The following SMAD1 variants were observed in gnomAD, a reference collection of about 807,000 sequenced individuals.
SMAD1 encodes MAD, mothers against decapentaplegic homolog 1.
Under a neutral mutation model 41.6 loss-of-function variants are expected in SMAD1, and 6 were observed. The observed-to-expected ratio is 0.14, with a 90% CI of 0.08 to 0.28. SMAD1 has a LOEUF of 0.28. SMAD1 is among the 10% of genes least tolerant of loss of function. SMAD1 has a pLI of 1.00. For missense variants in SMAD1, 379 were observed against 582.6 expected (o/e 0.65, Z 3.60); for synonymous variants, 206 against 203.2 (o/e 1.01, Z -0.12).
At chr4:145,501,379 G>A (rs1342103636) in intron 1 of SMAD1, among the ~76,000 whole-genome samples, 1 of 152,158 alleles carries the variant, frequency 6.6e-6, no homozygotes, top group African/African-American at 2.4e-5. Flanking sequence ...GTTTGTAAAA[G>A]GATATAACTT....
At chr4:145,486,709 G>T (rs553430897) in intron 1 of SMAD1, among the ~76,000 whole-genome samples, 1 of 152,132 alleles carries the variant, frequency 6.6e-6, no homozygotes, top group Non-Finnish European at 1.5e-5. Context: ...CCTTTACAGA[G>T]AATAGAGATA....
chr4:145,488,085 A>G (rs1047273811), intron 1 of SMAD1, among the ~76,000 whole-genome samples: 56 of 152,220 alleles, frequency 3.7e-4, no homozygotes, highest in African/African-American at 1.3e-3. Context: ...GATTTTCCCA[A>G]ATCTCTTTTA....
rs549416829 is a variant in SMAD1, at chr4:145,509,449, TTAAA to T, written c.-176-4982_-176-4979del. ...TATAATACGTTGCCCAACACTTGCC[TTAAA>T]TAAATACCCCCAAGTGATTTTGGGG... On this transcript the variant is annotated intron_variant, in intron 1 of 6. Transcript: ENST00000302085. 1.4e-3 allele frequency among the ~76,000 whole-genome samples: 209 copies of T among 152,320 alleles called. 1 individual carries two copies. The highest frequency in any genetic ancestry group is 4.8e-3 in the African/African-American group (201 of 41,566).
intron 6 of SMAD1, among the ~76,000 whole-genome samples, chr4:145,557,568 T>G (rs1396420269): frequency 6.6e-6 from 1 of 152,204 alleles, no homozygotes; most frequent in South Asian, 2.1e-4. Flanking sequence ...CTTATTGGAA[T>G]CCATGGATGG....
At chr4:145,508,886 C>G (rs1194824677) in intron 1 of SMAD1, among the ~76,000 whole-genome samples, 1 of 152,110 alleles carries the variant, frequency 6.6e-6, no homozygotes, top group Non-Finnish European at 1.5e-5. Flanking sequence ...GGCACTAATT[C>G]CATTTATGGG....
chr4:145,529,853 G>C (rs1241151301), intron 2 of SMAD1, among the ~76,000 whole-genome samples: 3 of 152,156 alleles, frequency 2.0e-5, no homozygotes, highest in African/African-American at 7.2e-5. Flanking sequence ...CTGTACCTAG[G>C]CTGTATTCAC....
In SMAD1 at chr4:145,559,101, T is replaced by C. The variant is rs1057492613; in HGVS notation, c.*1167T>C. On this transcript the variant is annotated 3_prime_UTR_variant, in exon 7 of 7. Coordinates refer to ENST00000302085, the MANE Select transcript of SMAD1 (RefSeq NM_005900.3). ...TTATGCTCTCGTACATTGAGTACTTTTATTCCAAAACTAGTGGGTTTTCTC... is the reference window on the plus strand; with the variant it reads ...TTATGCTCTCGTACATTGAGTACTTCTATTCCAAAACTAGTGGGTTTTCTC... Among the ~76,000 whole-genome samples the C allele has an allele frequency of 6.6e-6, 1 of 152,230 alleles. No homozygotes were observed. The highest frequency in any genetic ancestry group is 2.4e-5 in the African/African-American group (1 of 41,470).
intron 1 of SMAD1, among the ~76,000 whole-genome samples, chr4:145,498,900 T>C (rs1211192437): frequency 1.3e-5 from 2 of 152,236 alleles, no homozygotes; most frequent in East Asian, 3.8e-4. Context: ...ACGAATATAC[T>C]TGAACATAGA....
chr4:145,513,811 T>C (rs193093396), intron 1 of SMAD1, among the ~76,000 whole-genome samples: 4 of 152,328 alleles, frequency 2.6e-5, no homozygotes, highest in African/African-American at 9.6e-5. Context: ...TTTGAGAACT[T>C]GGGCTTTTTA....
intron 1 of SMAD1, chr4:145,497,757 T>A (rs2126308462): frequency 6.6e-6 from 1 of 152,290 alleles, no homozygotes; most frequent in East Asian, 1.9e-4. Flanking sequence ...CTCACCTAAT[T>A]CTATAGGTGA....
chr4:145,541,817 A>C (rs1388960173), intron 3 of SMAD1, among the ~76,000 whole-genome samples: 1 of 152,178 alleles, frequency 6.6e-6, no homozygotes, highest in Non-Finnish European at 1.5e-5. Flanking sequence ...GCTAGTGAGG[A>C]GCTTGCTTTT....
At chr4:145,537,066 A>T (rs552937067) in intron 2 of SMAD1, among the ~76,000 whole-genome samples, 1 of 152,314 alleles carries the variant, frequency 6.6e-6, no homozygotes, top group African/African-American at 2.4e-5. Context: ...ACGCTGAAGA[A>T]CTATTCCAGA....
intron 6 of SMAD1, among the ~76,000 whole-genome samples, chr4:145,555,887 A>G (rs565435955): frequency 6.6e-6 from 1 of 152,282 alleles, no homozygotes; most frequent in African/African-American, 2.4e-5. Flanking sequence ...TACAAGATAT[A>G]ATGAACTTAG....
intron 4 of SMAD1, chr4:145,546,242 CT>C (rs1732245215): frequency 6.0e-6 from 1 of 167,230 alleles, no homozygotes; most frequent in African/African-American, 2.4e-5. Context: ...CATACTTAGT[CT>C]TTGCCAAAAG....
Position 145,514,096 on chromosome 4 carries a change from C to T in SMAD1, c.-176-342C>T, listed in dbSNP as rs777689849. On this transcript the variant is annotated intron_variant, in intron 1 of 6. Coordinates refer to ENST00000302085, the MANE Select transcript of SMAD1 (RefSeq NM_005900.3). This position sits in a 1 kb window ranked among gnomAD's most constrained non-coding sequence, Gnocchi z 4.7. Reference sequence around the variant, plus strand: ...CAATACAGGCTCTGGTGAGGGCTCTCTTCCTGGCTTGCAGATGATCACCTT... The same window carrying T: ...CAATACAGGCTCTGGTGAGGGCTCTTTTCCTGGCTTGCAGATGATCACCTT... Among the ~76,000 whole-genome samples the T allele has an allele frequency of 5.9e-5, 9 of 152,156 alleles. No homozygotes were observed. The highest frequency in any genetic ancestry group is 1.2e-4 in the Non-Finnish European group (8 of 68,018).
upstream of SMAD1, chr4:145,481,602 G>C (rs1214831554): frequency 6.6e-6 from 1 of 152,260 alleles, no homozygotes; most frequent in Non-Finnish European, 1.5e-5. Flanking sequence ...GGAAGAAACG[G>C]GGCGTGGGGC....
At chr4:145,550,343 G>C (rs1304506222) in intron 5 of SMAD1, among the ~76,000 whole-genome samples, 2 of 151,976 alleles carry the variant, frequency 1.3e-5, no homozygotes, top group South Asian at 4.2e-4. Flanking sequence ...TGGAACCCGG[G>C]TCTCTACTAA....
chr4:145,534,641 G>T (rs893245671), intron 2 of SMAD1, among the ~76,000 whole-genome samples: 6 of 152,200 alleles, frequency 3.9e-5, no homozygotes, highest in Admixed American at 3.3e-4. Flanking sequence ...TTTTAAAGCG[G>T]CAACTCCAAT....
chr4:145,531,779 A>G (rs1222841561), intron 2 of SMAD1, among the ~76,000 whole-genome samples: 1 of 151,934 alleles, frequency 6.6e-6, no homozygotes, highest in East Asian at 1.9e-4. Flanking sequence ...AGAACTAGAA[A>G]GCATTTCTGT....
Sources: gnomAD v4.1 joint callset for allele counts (sites outside exome capture counted in the v4.1 genomes callset) on GRCh38, gnomAD v4.1.1 for gene constraint, Gnocchi (gnomAD v3.1) non-coding constraint, MANE v1.5 for transcripts, NCBI Gene and HGNC (gene_info 2026-07-23, HGNC 2026-07-21) for gene names.